The following KIF19 variants were observed in gnomAD, a reference collection of about 807,000 sequenced individuals.
KIF19 encodes the protein kinesin family member 19.
In KIF19, 98 loss-of-function variants were observed where a neutral mutation model predicts 106.6. The observed-to-expected ratio is 0.92, with a 90% CI of 0.78 to 1.09. The LOEUF is 1.09. Among genes scored for constraint, KIF19 ranks in the 50% least tolerant of loss-of-function variants. KIF19 has a pLI of 0.00. For missense variants in KIF19, 1,373 were observed against 1,414.3 expected (o/e 0.97, Z 0.47); for synonymous variants, 516 against 584.2 (o/e 0.88, Z 1.68).
chr17:74,341,773 C>G, intron 2 of KIF19, 103 bp from the exon 3 acceptor site: 1 of 806,776 alleles, frequency 1.2e-6, no homozygotes, highest in Admixed American at 1.8e-5. Flanking sequence ...TTTGTTAACT[C>G]TGATCGACAA....
chr17:74,349,864 T>C (rs952836345), intron 10 of KIF19, among the ~76,000 whole-genome samples: 2 of 151,818 alleles, frequency 1.3e-5, no homozygotes, highest in Non-Finnish European at 2.9e-5. Flanking sequence ...AGTGGCATGA[T>C]CTAGGCTTAC....
rs544356024 is a variant in KIF19, at chr17:74,354,995, G to A, written c.2866+54G>A. 9.0e-4 allele frequency: 1,410 copies of A among 1,561,826 alleles called. 24 individuals carry two copies. In the South Asian group the frequency reaches 0.015, roughly 17 times the overall value. The stretch of plus-strand genomic sequence containing the variant: ...GGGGAGGCCTCCACCAGGCAGGGGA[G>A]CAGAGAAGACACATTGCATTTCCTG... On this transcript the variant is annotated intron_variant, in intron 19 of 19. Transcript: ENST00000389916.
At chr17:74,328,632 G>C in intron 2 of KIF19, 127 bp downstream of exon 2, 1 of 724,800 alleles carries the variant, frequency 1.4e-6, no homozygotes, top group South Asian at 1.8e-5. Flanking sequence ...CTGAACTCTT[G>C]GCTGTGCTGT....
chr17:74,339,568 C>G (rs1032646920), intron 2 of KIF19, among the ~76,000 whole-genome samples: 1 of 150,434 alleles, frequency 6.6e-6, no homozygotes, highest in Non-Finnish European at 1.5e-5. Context: ...ACCTCCCTCG[C>G]CCCCTTCCCT....
At chr17:74,339,257 C>T (rs2126693) in intron 2 of KIF19, among the ~76,000 whole-genome samples, 72,508 of 151,594 alleles carry the variant, frequency 0.48, 18,034 homozygotes, top group East Asian at 0.55. Flanking sequence ...GAAGGGTAGC[C>T]GGAGCACCAG....
chr17:74,340,555 G>GCGCACGCACACA lies in KIF19; in HGVS notation c.121-1321_121-1320insCGCACGCACACA. On this transcript the variant is annotated intron_variant, in intron 2 of 19. Coordinates refer to ENST00000389916, the MANE Select transcript of KIF19 (RefSeq NM_153209.4). ...CACGTGCCAGCAGGTATGCGCGCGC[G>GCGCACGCACACA]TACACACACACACACACACTGCTGC... Among the ~76,000 whole-genome samples, 1,086 of 148,298 alleles carry GCGCACGCACACA rather than the reference G, an allele frequency of 7.3e-3. 6 individuals are homozygous for GCGCACGCACACA. The highest frequency in any genetic ancestry group is 0.017 in the South Asian group (78 of 4,580).
intron 2 of KIF19, among the ~76,000 whole-genome samples, chr17:74,330,059 G>A (rs2054033856): frequency 6.6e-6 from 1 of 152,262 alleles, no homozygotes; most frequent in Admixed American, 6.5e-5. Flanking sequence ...TGTGGGCACA[G>A]TAGAGCCATG....
chr17:74,352,193 A>G (rs1420760814), intron 13 of KIF19, 26 bp from the exon 14 acceptor site: 1 of 1,599,246 alleles, frequency 6.3e-7, no homozygotes, highest in Admixed American at 1.7e-5. Flanking sequence ...GCTGGCACTC[A>G]CTGAGCCCTG....
At chr17:74,352,719 C>A (rs2054751936) in intron 14 of KIF19, 102 bp from the exon 15 acceptor site, 1 of 1,434,694 alleles carries the variant, frequency 7.0e-7, no homozygotes, top group South Asian at 1.2e-5. Flanking sequence ...GGCTCCCAGG[C>A]CATCTTACAG....
chr17:74,328,500 G>T lies in KIF19; in HGVS notation c.115G>T (p.Glu39Ter). 1 of 1,587,624 alleles carries T rather than the reference G, an allele frequency of 6.3e-7. No homozygotes were observed. The highest frequency in any genetic ancestry group is 1.1e-5 in the South Asian group (1 of 88,702). Residue 39 changes from glutamate to a stop codon, truncating the protein, a stop_gained, in exon 2 of 20, where the codon GAG (glutamate) becomes TAG (stop). Coordinates refer to ENST00000389916, the MANE Select transcript of KIF19 (RefSeq NM_153209.4). LOFTEE classifies it high-confidence loss of function. ...GATLIAHKVDEQMVVLMDPME... is the reference protein window; with the variant it reads ...GATLIAHKVD ...TACCCTCATCGCCCATAAAGTGGAT[G>T]AGCAGGTATGCAGGGCTCTGCAGCA...
intron 7 of KIF19, among the ~76,000 whole-genome samples, chr17:74,345,753 G>A (rs536357766): frequency 7.2e-5 from 11 of 152,274 alleles, no homozygotes; most frequent in African/African-American, 2.6e-4. Flanking sequence ...AACAGGGCAG[G>A]TTCAAGAAAC....
At position 74,347,822 on chromosome 17, in the gene KIF19, A is replaced by C. The variant is rs559487300; in HGVS notation, c.970A>C (p.Ser324Arg). ...CCGCACAGTGATGATCGCTCACATC[A>C]GTCCTGCGAGCAGTGCCTTCGAGGA... ...NSRTVMIAHISPASSAFEESR... is the reference protein window; with the variant it reads ...NSRTVMIAHIRPASSAFEESR... Residue 324 changes from serine to arginine, a missense_variant, in exon 9 of 20, where the codon AGT becomes CGT. Ser to Arg is a moderately radical substitution (Grantham distance 110, BLOSUM62 -1). Coordinates refer to ENST00000389916, the MANE Select transcript of KIF19 (RefSeq NM_153209.4). 3 of 1,587,454 alleles carry C rather than the reference A, an allele frequency of 1.9e-6. No individual in the cohort carries two copies. In the African/African-American group the frequency reaches 4.0e-5, roughly 21 times the overall value.
At position 74,355,224 on chromosome 17, in the gene KIF19, G is replaced by A; in HGVS notation, c.2909G>A (p.Gly970Asp). ...CCCCTGGCTGTTCCCCCCAACCCAGGTGGTGGTTCTCGACGGGCTACCCGT... is the reference window on the plus strand; with the variant it reads ...CCCCTGGCTGTTCCCCCCAACCCAGATGGTGGTTCTCGACGGGCTACCCGT... ...SSPLAVPPNP[G>D]GGSRRATRGP... Residue 970 changes from glycine (G) to aspartate (D), a missense_variant, in exon 20 of 20, where the codon GGT becomes GAT. Gly to Asp is a moderately conservative substitution (Grantham distance 94). Around this residue, in one of 3 missense-constraint regions of KIF19, gnomAD observed 1,020 missense variants for 1,008.2 expected, o/e 1.01. Coordinates refer to ENST00000389916, the MANE Select transcript of KIF19 (RefSeq NM_153209.4). 1 of 1,612,736 alleles carries A rather than the reference G, an allele frequency of 6.2e-7. No individual in the cohort carries two copies. Among genetic ancestry groups the A allele is most frequent in the Non-Finnish European group, 8.5e-7 (1 of 1,179,590 alleles).
At chr17:74,341,761 G>T in intron 2 of KIF19, 115 bp from the exon 3 acceptor site, 1 of 749,058 alleles carries the variant, frequency 1.3e-6, no homozygotes, top group South Asian at 1.5e-5. Flanking sequence ...GCCCAGAAGG[G>T]CTTTGTTAAC....
chr17:74,350,528 C>T lies in KIF19; in HGVS notation c.1341C>T (p.Ala447=), dbSNP rs2054668513. 6.2e-7 allele frequency: 1 copy of T among 1,612,960 alleles called. No individual in the cohort carries two copies. The highest frequency in any genetic ancestry group is 8.5e-7 in the Non-Finnish European group (1 of 1,179,854). Reference sequence around the variant, plus strand: ...GCCTGCTGGAGCTGGAGAACCGCGCCATGGAGGTCCAGATTGACACCTCCC... The same window carrying T: ...GCCTGCTGGAGCTGGAGAACCGCGCTATGGAGGTCCAGATTGACACCTCCC... The part of the protein sequence containing the change: ...RRRLLELENR[A]MEVQIDTSRH... Residue 447 remains alanine (A), a synonymous_variant, in exon 11 of 20, where the codon GCC becomes GCT. Transcript: ENST00000389916.
chr17:74,348,115 C>T (rs939607867), intron 9 of KIF19, among the ~76,000 whole-genome samples: 16 of 152,250 alleles, frequency 1.1e-4, no homozygotes, highest in African/African-American at 3.6e-4. Context: ...CCGCTTCCTC[C>T]AGTCCCAGGA....
intron 10 of KIF19, 79 bp from the exon 11 acceptor site, chr17:74,350,322 G>T: frequency 7.3e-7 from 1 of 1,374,248 alleles, no homozygotes. Context: ...GAAAAGGAGG[G>T]GAGGGGCCCA....
chr17:74,329,818 AG>A (rs1460553638), intron 2 of KIF19, among the ~76,000 whole-genome samples: 1 of 152,190 alleles, frequency 6.6e-6, no homozygotes, highest in Non-Finnish European at 1.5e-5. Context: ...TCGTGGTGGT[AG>A]GATGTGCTAA....
intron 1 of KIF19, among the ~76,000 whole-genome samples, chr17:74,327,224 A>G (rs2053939783): frequency 2.0e-5 from 3 of 152,092 alleles, no homozygotes; most frequent in Admixed American, 6.5e-5. Context: ...AGAGTCCCCT[A>G]CCTCTCAAGG....
Sources: gnomAD v4.1 joint callset for allele counts (sites outside exome capture counted in the v4.1 genomes callset) on GRCh38, gnomAD v4.1.1 for gene constraint, gnomAD v4.1.1 regional missense constraint, MANE v1.5 for transcripts, NCBI Gene and HGNC (gene_info 2026-07-23, HGNC 2026-07-21) for gene names.